CDH12: variants seen among roughly 807,000 people sequenced by gnomAD.
The protein encoded by CDH12 is cadherin 12.
In CDH12, 41 loss-of-function variants were observed where a neutral mutation model predicts 74.1. The observed-to-expected ratio is 0.55, with a 90% CI of 0.43 to 0.72. The LOEUF (loss-of-function observed/expected upper bound fraction) is 0.72, where lower values mean the gene tolerates loss of function less well. CDH12 is among the 30% of genes least tolerant of loss of function. The pLI is 0.00. For missense variants in CDH12, 945 were observed against 977.2 expected (o/e 0.97, Z 0.44); for synonymous variants, 399 against 355.0 (o/e 1.12, Z -1.39).
intron 4 of CDH12, among the ~76,000 whole-genome samples, chr5:22,153,577 C>T (rs1213397717): frequency 1.3e-5 from 2 of 151,126 alleles, no homozygotes; most frequent in Non-Finnish European, 2.9e-5. Flanking sequence ...GAGGAAATTC[C>T]TTAAGCTCTG....
At chr5:22,752,721 G>A (rs1163682244) in intron 1 of CDH12, among the ~76,000 whole-genome samples, 4 of 138,864 alleles carry the variant, frequency 2.9e-5, no homozygotes, top group Admixed American at 7.3e-5. Flanking sequence ...ACAGGCGCCC[G>A]CCACTACGCC....
At chr5:22,156,313 C>T (rs1435148155) in intron 4 of CDH12, among the ~76,000 whole-genome samples, 2 of 151,976 alleles carry the variant, frequency 1.3e-5, no homozygotes, top group Non-Finnish European at 2.9e-5. Flanking sequence ...GAGAGGTACA[C>T]TTAAATTGCA....
At chr5:22,241,081 C>T (rs1752733608) in intron 3 of CDH12, among the ~76,000 whole-genome samples, 1 of 152,048 alleles carries the variant, frequency 6.6e-6, no homozygotes, top group African/African-American at 2.4e-5. Context: ...ACGCATATTG[C>T]TTCAAGTGTT....
At chr5:22,239,120 C>T (rs1752659526) in intron 3 of CDH12, among the ~76,000 whole-genome samples, 1 of 152,032 alleles carries the variant, frequency 6.6e-6, no homozygotes, top group Non-Finnish European at 1.5e-5. Flanking sequence ...AGCTGTTGAC[C>T]CTTCCTTGGG....
At chr5:22,761,942 C>T (rs541663328) in intron 1 of CDH12, among the ~76,000 whole-genome samples, 5 of 152,052 alleles carry the variant, frequency 3.3e-5, no homozygotes, top group African/African-American at 1.2e-4. Flanking sequence ...CACACACACA[C>T]ACACACACAC....
chr5:22,464,933 C>T (rs1379079965), intron 2 of CDH12, among the ~76,000 whole-genome samples: 7 of 149,490 alleles, frequency 4.7e-5, no homozygotes, highest in South Asian at 2.1e-4. Flanking sequence ...ACCCGGGAGG[C>T]GGAGGCTGCA....
At chr5:22,542,059 C>T (rs1324006047) in intron 1 of CDH12, among the ~76,000 whole-genome samples, 2 of 152,164 alleles carry the variant, frequency 1.3e-5, no homozygotes, top group African/African-American at 2.4e-5. Context: ...TAAATAGGTA[C>T]ATGCATTAGA....
At chr5:22,498,575 A>G (rs994628904) in intron 2 of CDH12, among the ~76,000 whole-genome samples, 1 of 151,926 alleles carries the variant, frequency 6.6e-6, no homozygotes, top group Non-Finnish European at 1.5e-5. Flanking sequence ...CACCCAGAAT[A>G]TGTCACCCAA....
At chr5:22,679,579 TG>T (rs1317200607) in intron 1 of CDH12, among the ~76,000 whole-genome samples, 1 of 152,104 alleles carries the variant, frequency 6.6e-6, no homozygotes, top group Non-Finnish European at 1.5e-5. Context: ...TGTGTCCTAT[TG>T]GCAGAGGACA....
At chr5:22,399,190 GTATC>G (rs3039455) in intron 3 of CDH12, among the ~76,000 whole-genome samples, 46,938 of 147,966 alleles carry the variant, frequency 0.32, 7,422 homozygotes, top group Middle Eastern at 0.37. Context: ...AATCTACCCA[GTATC>G]TATCTATCTA....
chr5:22,152,195 A>G (rs1374781835), intron 4 of CDH12: 1 of 151,422 alleles, frequency 6.6e-6, no homozygotes, highest in Non-Finnish European at 1.5e-5. Context: ...GAAAACTAAG[A>G]GGTTTTAAAA....
intron 1 of CDH12, among the ~76,000 whole-genome samples, chr5:22,568,539 CTAAGTGATG>C (rs1332151555): frequency 6.6e-6 from 1 of 151,992 alleles, no homozygotes; most frequent in Non-Finnish European, 1.5e-5. Flanking sequence ...TCAATAACTC[CTAAGTGATG>C]TAGGCAACAG....
chr5:21,880,614 T>TC (rs377432893), intron 6 of CDH12, among the ~76,000 whole-genome samples: 2 of 89,952 alleles, frequency 2.2e-5, no homozygotes, highest in African/African-American at 9.0e-5. Flanking sequence ...CTTCCTTCCT[T>TC]CCTTCTTTCT....
intron 2 of CDH12, among the ~76,000 whole-genome samples, chr5:22,504,927 A>C (rs1161971969): frequency 6.6e-6 from 1 of 152,036 alleles, no homozygotes; most frequent in Admixed American, 6.6e-5. Flanking sequence ...CAGAATAAAA[A>C]AGGCAGAAAT....
intron 3 of CDH12, among the ~76,000 whole-genome samples, chr5:22,280,400 C>T (rs554223819): frequency 1.0e-3 from 158 of 151,990 alleles, no homozygotes; most frequent in Non-Finnish European, 1.8e-3. Context: ...GATAGAGACA[C>T]GAAAAACCCT....
intron 1 of CDH12, among the ~76,000 whole-genome samples, chr5:22,562,086 G>A (rs1739075185): frequency 6.6e-6 from 1 of 152,184 alleles, no homozygotes; most frequent in African/African-American, 2.4e-5. Flanking sequence ...GGGAGGCCGA[G>A]GCGGGCGGAT....
At chr5:22,098,910 C>A (rs563288656) in intron 4 of CDH12, among the ~76,000 whole-genome samples, 3 of 152,240 alleles carry the variant, frequency 2.0e-5, no homozygotes, top group South Asian at 2.1e-4. Context: ...CCTCTTAGAA[C>A]CTCTCATTTC....
chr5:22,098,171 G>T (rs922462813), intron 4 of CDH12, among the ~76,000 whole-genome samples: 2 of 151,936 alleles, frequency 1.3e-5, no homozygotes, highest in African/African-American at 4.8e-5. Context: ...CACCCATCAG[G>T]CTCAGCAAAT....
At chr5:21,760,760 T>C (rs1401097250) in intron 12 of CDH12, 85 bp from the exon 13 acceptor site, 9 of 810,922 alleles carry the variant, frequency 1.1e-5, no homozygotes, top group Non-Finnish European at 1.9e-5. Context: ...TAATGAAGCA[T>C]GCAAGTAGAC....
Sources: gnomAD v4.1 joint callset for allele counts (sites outside exome capture counted in the v4.1 genomes callset) on GRCh38, gnomAD v4.1.1 for gene constraint, MANE v1.5 for transcripts, NCBI Gene and HGNC (gene_info 2026-07-23, HGNC 2026-07-21) for gene names.